The following PPM1E variants were observed in gnomAD, a reference collection of about 807,000 sequenced individuals.
PPM1E encodes protein phosphatase 1E.
PPM1E carries 20 observed loss-of-function variants against 65.9 expected under a neutral mutation model. The ratio of observed to expected loss-of-function variants is 0.30; its 90% CI spans 0.21 to 0.44. PPM1E has a LOEUF of 0.44. PPM1E is among the 20% of genes least tolerant of loss of function. The pLI, the probability that PPM1E is intolerant of heterozygous loss-of-function variation, is 1.00. For missense variants in PPM1E, 713 were observed against 953.1 expected (o/e 0.75, Z 3.32); for synonymous variants, 352 against 374.9 (o/e 0.94, Z 0.70).
chr17:58,800,241 A>T (rs911075261), intron 1 of PPM1E, among the ~76,000 whole-genome samples: 2 of 152,152 alleles, frequency 1.3e-5, no homozygotes, highest in Non-Finnish European at 1.5e-5. Context: ...CAAACATTAA[A>T]CCAACATTGC....
chr17:58,819,389 TC>T (rs1450066193), intron 1 of PPM1E, among the ~76,000 whole-genome samples: 1 of 152,202 alleles, frequency 6.6e-6, no homozygotes, highest in African/African-American at 2.4e-5. Context: ...CCTCAAGTGA[TC>T]CACCTGCTTC....
intron 1 of PPM1E, among the ~76,000 whole-genome samples, chr17:58,821,325 T>C (rs1369008074): frequency 6.6e-6 from 1 of 152,182 alleles, no homozygotes; most frequent in Non-Finnish European, 1.5e-5. Context: ...TTAGCCAGGA[T>C]GGTCTCGATC....
At chr17:58,807,173 C>T (rs1014273503) in intron 1 of PPM1E, among the ~76,000 whole-genome samples, 4 of 152,076 alleles carry the variant, frequency 2.6e-5, no homozygotes, top group Non-Finnish European at 5.9e-5. Context: ...ATGTTATTCT[C>T]TTTACTTTTG....
At chr17:58,848,732 C>A (rs1354353561) in intron 1 of PPM1E, among the ~76,000 whole-genome samples, 3 of 152,070 alleles carry the variant, frequency 2.0e-5, no homozygotes, top group African/African-American at 7.2e-5. Flanking sequence ...GTCTAAAATT[C>A]TCTTCTTTTG....
chr17:58,914,368 G>A (rs1157880004), intron 1 of PPM1E, among the ~76,000 whole-genome samples: 2 of 152,020 alleles, frequency 1.3e-5, no homozygotes, highest in Admixed American at 6.6e-5. Flanking sequence ...ATTGCATCAC[G>A]TTTATTTATT....
chr17:58,933,440 TAATA>T (rs2051929382), intron 1 of PPM1E, among the ~76,000 whole-genome samples: 2 of 152,140 alleles, frequency 1.3e-5, no homozygotes, highest in South Asian at 4.1e-4. Context: ...GGGGGGAAGA[TAATA>T]AATCTGATAT....
At chr17:58,907,387 A>G (rs1475846825) in intron 1 of PPM1E, among the ~76,000 whole-genome samples, 1 of 129,026 alleles carries the variant, frequency 7.8e-6, no homozygotes, top group Non-Finnish European at 1.8e-5. Flanking sequence ...TAAATTTCTT[A>G]ATGCATGTTT....
intron 1 of PPM1E, among the ~76,000 whole-genome samples, chr17:58,953,758 T>TG (rs991012689): frequency 9.9e-5 from 15 of 151,748 alleles, no homozygotes; most frequent in Non-Finnish European, 1.0e-4. Context: ...TTTTTTTTTT[T>TG]TTTTTGAGAC....
chr17:58,964,360 G>A (rs1018877633), intron 2 of PPM1E, among the ~76,000 whole-genome samples: 1 of 152,180 alleles, frequency 6.6e-6, no homozygotes, highest in Non-Finnish European at 1.5e-5. Flanking sequence ...GGCAACTTGA[G>A]TGGAGGGTTC....
At chr17:58,823,955 C>T (rs1029641412) in intron 1 of PPM1E, among the ~76,000 whole-genome samples, 3 of 152,076 alleles carry the variant, frequency 2.0e-5, no homozygotes, top group Non-Finnish European at 2.9e-5. Flanking sequence ...TGATCTCAAT[C>T]TCCTGACCTC....
chr17:58,761,482 C>T (rs2049820342), intron 1 of PPM1E, among the ~76,000 whole-genome samples: 7 of 152,224 alleles, frequency 4.6e-5, no homozygotes. Flanking sequence ...CCACCCACTT[C>T]ATCCCAGCTC....
intron 1 of PPM1E, among the ~76,000 whole-genome samples, chr17:58,914,297 A>G (rs1487333848): frequency 1.3e-5 from 2 of 152,178 alleles, no homozygotes; most frequent in African/African-American, 2.4e-5. Flanking sequence ...CTTACCTTGT[A>G]TTTCATCAGC....
intron 1 of PPM1E, among the ~76,000 whole-genome samples, chr17:58,877,112 T>C (rs2051136893): frequency 6.6e-6 from 1 of 152,236 alleles, no homozygotes; most frequent in African/African-American, 2.4e-5. Flanking sequence ...AATAGTTAAC[T>C]TATTATTTCT....
intron 1 of PPM1E, among the ~76,000 whole-genome samples, chr17:58,849,031 T>C (rs1393225689): frequency 6.6e-6 from 1 of 152,236 alleles, no homozygotes; most frequent in Non-Finnish European, 1.5e-5. Context: ...AATTTATCCA[T>C]TTCTTCTAGA....
intron 1 of PPM1E, among the ~76,000 whole-genome samples, chr17:58,817,803 G>A (rs888087776): frequency 6.6e-6 from 1 of 151,476 alleles, no homozygotes; most frequent in Non-Finnish European, 1.5e-5. Flanking sequence ...CCAGGCTCGA[G>A]TGCAGTGGCA....
intron 1 of PPM1E, among the ~76,000 whole-genome samples, chr17:58,954,737 G>T (rs1217257066): frequency 6.6e-6 from 1 of 151,940 alleles, no homozygotes; most frequent in Non-Finnish European, 1.5e-5. Context: ...AATTAGCCAG[G>T]CATGGTGACA....
chr17:58,981,064 C>T lies in PPM1E; in HGVS notation c.*33C>T, dbSNP rs762688126. The T allele has an allele frequency of 6.9e-7, 1 of 1,444,990 alleles. No individual in the cohort carries two copies. Among genetic ancestry groups the T allele is most frequent in the East Asian group, 2.3e-5 (1 of 43,862 alleles). The allele number at this position is 1,444,990 out of a possible 1,614,324, so 89.5% of individuals were successfully genotyped here. On this transcript the variant is annotated 3_prime_UTR_variant, in exon 7 of 7. Transcript: ENST00000308249. ...TTCAAGTAGGTTAGCTAGCTCTCCC[C>T]CAATAAAAATACCACTATCAGAGTA...
At chr17:58,905,524 A>G (rs1271462248) in intron 1 of PPM1E, among the ~76,000 whole-genome samples, 1 of 152,158 alleles carries the variant, frequency 6.6e-6, no homozygotes, top group African/African-American at 2.4e-5. Flanking sequence ...ATTTTTAATG[A>G]TCATCAGATG....
chr17:58,943,358 G>A (rs1397216228), intron 1 of PPM1E, among the ~76,000 whole-genome samples: 2 of 151,894 alleles, frequency 1.3e-5, no homozygotes, highest in Non-Finnish European at 2.9e-5. Flanking sequence ...AATGAACCTC[G>A]AATAAACCGC....
Sources: gnomAD v4.1 joint callset for allele counts (sites outside exome capture counted in the v4.1 genomes callset) on GRCh38, gnomAD v4.1.1 for gene constraint, MANE v1.5 for transcripts, NCBI Gene and HGNC (gene_info 2026-07-23, HGNC 2026-07-21) for gene names.